The following NVL variants were observed in gnomAD, a reference collection of about 807,000 sequenced individuals.
NVL encodes the protein nuclear VCP like.
NVL carries 84 observed loss-of-function variants against 110.2 expected under a neutral mutation model. That is an observed-to-expected ratio of 0.76 (90% CI 0.64 to 0.91). The LOEUF (loss-of-function observed/expected upper bound fraction) is 0.91, where lower values mean the gene tolerates loss of function less well. NVL is among the 40% of genes least tolerant of loss of function. The probability of loss-of-function intolerance (pLI) is 0.00; values close to 1 mark genes in which losing one functional copy is unlikely to be tolerated. For synonymous variants in NVL, 354 were observed against 361.1 expected, an observed-to-expected ratio of 0.98 and a Z score of 0.22; for missense variants, 882 against 1,035.9, an observed-to-expected ratio of 0.85 and a Z score of 2.04.
At chr1:224,250,936 C>T (rs1029465145) in intron 18 of NVL, among the ~76,000 whole-genome samples, 1 of 151,940 alleles carries the variant, frequency 6.6e-6, no homozygotes. Flanking sequence ...GGATTACAGA[C>T]GTGAGCCACT....
intron 18 of NVL, 38 bp from the exon 19 acceptor site, chr1:224,250,356 CTTTTAT>C (rs1349949903): frequency 2.7e-6 from 4 of 1,486,174 alleles, no homozygotes; most frequent in Admixed American, 2.4e-5. Context: ...TAAATAAAAC[CTTTTAT>C]TTTTATTTTT....
chr1:224,274,012 G>A (rs184482307), intron 17 of NVL, among the ~76,000 whole-genome samples: 1 of 117,948 alleles, frequency 8.5e-6, no homozygotes, highest in East Asian at 2.3e-4. Flanking sequence ...AATGAGGCAT[G>A]TAATAATGTT....
chr1:224,241,911 A>G (rs972053495), intron 19 of NVL, among the ~76,000 whole-genome samples: 2 of 151,958 alleles, frequency 1.3e-5, no homozygotes, highest in African/African-American at 4.8e-5. Context: ...AGGCACCTGT[A>G]ATCCCAGCTA....
intron 12 of NVL, 52 bp from the exon 13 acceptor site, chr1:224,289,785 A>T: frequency 6.5e-7 from 1 of 1,541,086 alleles, no homozygotes; most frequent in Non-Finnish European, 8.8e-7. Context: ...AATAGTAAAA[A>T]CAAGTCACCA....
chr1:224,286,077 A>T lies in NVL; in HGVS notation c.1848T>A (p.Ala616=), dbSNP rs1208143255. Residue 616 remains alanine, a synonymous_variant, in exon 15 of 23, where the codon GCT becomes GCA. Transcript: ENST00000281701. The part of the protein sequence containing the change: ...QFKALGLVTP[A]GVLLAGPPGC... ...CAGGAGGACCAGCAAGGAGGACCCCAGCTGGAGTCACCAATCCAAGAGCTT... is the reference window on the plus strand; with the variant it reads ...CAGGAGGACCAGCAAGGAGGACCCCTGCTGGAGTCACCAATCCAAGAGCTT... The T allele has an allele frequency of 1.9e-6, 3 of 1,614,156 alleles. No homozygotes were observed. The highest frequency in any genetic ancestry group is 2.5e-6 in the Non-Finnish European group (3 of 1,180,008).
rs774002053 is a variant in NVL at position 224,286,082 on chromosome 1, G to A, written c.1843C>T (p.Pro615Ser). 6.2e-7 allele frequency: 1 copy of A among 1,614,024 alleles called. No homozygotes were observed. Among genetic ancestry groups the A allele is most frequent in the African/African-American group, 1.3e-5 (1 of 74,928 alleles). The change falls in exon 15 of 23, where the codon CCA (proline) becomes TCA (serine). Residue 615 changes from proline to serine, a missense_variant. Pro to Ser is a moderately conservative substitution (Grantham distance 74). Transcript: ENST00000281701. ...DQFKALGLVT[P>S]AGVLLAGPPG... ...GGACCAGCAAGGAGGACCCCAGCTGGAGTCACCAATCCAAGAGCTTTGAAC... is the reference window on the plus strand; with the variant it reads ...GGACCAGCAAGGAGGACCCCAGCTGAAGTCACCAATCCAAGAGCTTTGAAC...
intron 17 of NVL, among the ~76,000 whole-genome samples, chr1:224,274,857 C>T (rs1665593346): frequency 6.6e-6 from 1 of 152,124 alleles, no homozygotes. Flanking sequence ...TTTATATCTT[C>T]TCCAGATATA....
chr1:224,300,101 C>A (rs1361073865), intron 10 of NVL, among the ~76,000 whole-genome samples: 1 of 152,130 alleles, frequency 6.6e-6, no homozygotes, highest in East Asian at 1.9e-4. Flanking sequence ...TCTCAATAGC[C>A]ACGTGAGATT....
chr1:224,253,263 G>A (rs1304966584), intron 18 of NVL, among the ~76,000 whole-genome samples: 1 of 151,268 alleles, frequency 6.6e-6, no homozygotes, highest in Non-Finnish European at 1.5e-5. Context: ...TCTTGGCCAG[G>A]CTGGTCTTGA....
At position 224,317,587 on chromosome 1, in the gene NVL, T is replaced by C. The variant is rs1474540609; in HGVS notation, c.284+107A>G. Reference sequence around the variant, plus strand: ...TATGGCTGAAGAGGTTAGGTAAATATCACGCAGGGCTTTGTTGGCAATGAA... The same window carrying C: ...TATGGCTGAAGAGGTTAGGTAAATACCACGCAGGGCTTTGTTGGCAATGAA... On this transcript the variant is annotated intron_variant, in intron 4 of 22. Transcript: ENST00000281701. 4 of 680,182 alleles carry C rather than the reference T, an allele frequency of 5.9e-6. 1 individual carries two copies. 42.1% of individuals were successfully genotyped at this position (680,182 alleles called of 1,614,324 possible).
intron 15 of NVL, among the ~76,000 whole-genome samples, chr1:224,282,105 G>A (rs1307335023): frequency 2.9e-5 from 4 of 139,320 alleles, no homozygotes; most frequent in South Asian, 4.4e-4. Flanking sequence ...TCTTACTGTC[G>A]CCCAGGCTGC....
At chr1:224,325,125 G>A (rs1671013532) in intron 2 of NVL, among the ~76,000 whole-genome samples, 5 of 151,676 alleles carry the variant, frequency 3.3e-5, no homozygotes, top group Admixed American at 3.3e-4. Context: ...GTTGGGTGTG[G>A]TTAGCACACG....
intron 2 of NVL, among the ~76,000 whole-genome samples, chr1:224,325,103 A>C (rs1234097624): frequency 6.6e-6 from 1 of 151,838 alleles, no homozygotes; most frequent in Non-Finnish European, 1.5e-5. Flanking sequence ...TCTATTAAAA[A>C]TACAAAAATT....
At chr1:224,290,214 C>T (rs1173045751) in intron 12 of NVL, among the ~76,000 whole-genome samples, 1 of 152,142 alleles carries the variant, frequency 6.6e-6, no homozygotes, top group Admixed American at 6.6e-5. Flanking sequence ...TTGTTCATCC[C>T]CTGTACTACA....
intron 20 of NVL, among the ~76,000 whole-genome samples, chr1:224,233,725 C>G (rs1207723615): frequency 1.3e-5 from 2 of 152,078 alleles, no homozygotes; most frequent in South Asian, 2.1e-4. Flanking sequence ...CACCACTGCA[C>G]TCCAGCCTGG....
chr1:224,316,862 G>A (rs1192220994), intron 4 of NVL, among the ~76,000 whole-genome samples: 1 of 151,992 alleles, frequency 6.6e-6, no homozygotes, highest in Non-Finnish European at 1.5e-5. Context: ...GGTTGGCCAG[G>A]CGCAATGGCT....
At chr1:224,233,417 G>T (rs923618325) in intron 20 of NVL, 128 bp from the exon 21 acceptor site, 25 of 581,432 alleles carry the variant, frequency 4.3e-5, no homozygotes, top group Non-Finnish European at 6.2e-5. Flanking sequence ...ATAAAGATGA[G>T]AAATAAATTG....
intron 20 of NVL, 30 bp from the exon 21 acceptor site, chr1:224,233,319 T>G (rs549360320): frequency 6.5e-7 from 1 of 1,528,936 alleles, no homozygotes; most frequent in East Asian, 2.3e-5. Flanking sequence ...ATCTACTTAT[T>G]CTTAGATACT....
In NVL at chr1:224,240,104, C is replaced by A. The variant is rs1184561042; in HGVS notation, c.2290-3522G>T. On this transcript the variant is annotated intron_variant, in intron 19 of 22. Coordinates refer to ENST00000281701, the MANE Select transcript of NVL (RefSeq NM_002533.4). ...TTTTTGAGACGGAGTCTCACTGTCA[C>A]AGGCCCAGGCTGGAGTGCAGTGGTG... is the stretch of plus-strand genomic sequence containing the variant. Among the ~76,000 whole-genome samples the A allele has an allele frequency of 1.3e-4, 17 of 129,492 alleles. No individual in the cohort carries two copies. The Admixed American group carries it at 1.4e-3, about 11-fold the overall frequency. 85.0% of individuals were successfully genotyped at this position (129,492 alleles called of 152,430 possible).
Sources: gnomAD v4.1 joint callset for allele counts (sites outside exome capture counted in the v4.1 genomes callset) on GRCh38, gnomAD v4.1.1 for gene constraint, MANE v1.5 for transcripts, NCBI Gene and HGNC (gene_info 2026-07-23, HGNC 2026-07-21) for gene names.